The following DOCK3 variants were observed in gnomAD, a reference collection of about 807,000 sequenced individuals.
DOCK3 encodes the protein dedicator of cytokinesis 3.
DOCK3 carries 60 observed loss-of-function variants against 265.6 expected under a neutral mutation model. The ratio of observed to expected loss-of-function variants is 0.23; its 90% confidence interval spans 0.18 to 0.28. The LOEUF (loss-of-function observed/expected upper bound fraction) is 0.28. Ranked by LOEUF, DOCK3 falls within the 10% of genes least tolerant of loss-of-function variation. DOCK3 has a pLI of 1.00. For synonymous variants in DOCK3, 881 were observed against 938.0 expected (o/e 0.94, Z 1.11); for missense variants, 1,981 against 2,594.3 (o/e 0.76, Z 5.14).
chr3:50,912,703 C>G (rs1030903318), intron 4 of DOCK3, among the ~76,000 whole-genome samples: 1 of 150,386 alleles, frequency 6.6e-6, no homozygotes, highest in Non-Finnish European at 1.5e-5. Context: ...GGCAGAGAAA[C>G]CTCACCCTGT....
chr3:51,129,717 G>A (rs2084428267), intron 9 of DOCK3, among the ~76,000 whole-genome samples: 1 of 152,118 alleles, frequency 6.6e-6, no homozygotes, highest in Admixed American at 6.5e-5. Context: ...TGGCAGTGCC[G>A]TGCTCCAGAA....
At chr3:50,788,844 G>A (rs1221779658) in intron 2 of DOCK3, among the ~76,000 whole-genome samples, 1 of 152,250 alleles carries the variant, frequency 6.6e-6, no homozygotes, top group Non-Finnish European at 1.5e-5. Flanking sequence ...GGAGGGAGGC[G>A]AGTGGCTGCG....
intron 5 of DOCK3, among the ~76,000 whole-genome samples, chr3:51,005,168 A>G (rs2078633767): frequency 6.6e-6 from 1 of 152,108 alleles, no homozygotes; most frequent in South Asian, 2.1e-4. Context: ...GGAATTCAGT[A>G]GTCTATTCTC....
intron 1 of DOCK3, among the ~76,000 whole-genome samples, chr3:50,778,259 A>G (rs974766691): frequency 3.3e-5 from 5 of 152,242 alleles, no homozygotes; most frequent in East Asian, 1.9e-4. Context: ...TCAAAGCATA[A>G]TCAAATTTAT....
At chr3:51,082,185 C>T (rs1331628238) in intron 7 of DOCK3, among the ~76,000 whole-genome samples, 1 of 151,972 alleles carries the variant, frequency 6.6e-6, no homozygotes, top group Non-Finnish European at 1.5e-5. Flanking sequence ...TGGGCCGGGC[C>T]TCACACTACC....
intron 21 of DOCK3, 105 bp downstream of exon 21, chr3:51,237,695 T>G: frequency 1.0e-6 from 1 of 968,376 alleles, no homozygotes; most frequent in African/African-American, 1.7e-5. Context: ...GCTGACTTTT[T>G]AAAAATTTTA....
intron 10 of DOCK3, among the ~76,000 whole-genome samples, chr3:51,158,970 G>A (rs2085997002): frequency 6.6e-6 from 1 of 152,210 alleles, no homozygotes; most frequent in African/African-American, 2.4e-5. Flanking sequence ...ATATCATGAA[G>A]ATTTCTAATG....
At chr3:51,357,628 C>A (rs888260096) in intron 44 of DOCK3, 130 bp from the exon 45 acceptor site, 2 of 799,028 alleles carry the variant, frequency 2.5e-6, no homozygotes, top group African/African-American at 3.5e-5. Flanking sequence ...ACAGGCCAGA[C>A]TGGTGTATGT....
chr3:51,271,098 G>C, intron 24 of DOCK3, 91 bp downstream of exon 24: 4 of 1,395,094 alleles, frequency 2.9e-6, no homozygotes, highest in Non-Finnish European at 9.8e-7. Flanking sequence ...CAAAGGATCA[G>C]TTTCCTCAAC....
chr3:50,815,016 G>A (rs2043994358), intron 2 of DOCK3, among the ~76,000 whole-genome samples: 1 of 151,832 alleles, frequency 6.6e-6, no homozygotes, highest in Non-Finnish European at 1.5e-5. Flanking sequence ...GTGGAGATGG[G>A]GTTTCACCAT....
intron 2 of DOCK3, among the ~76,000 whole-genome samples, chr3:50,798,442 A>G (rs1475119082): frequency 6.6e-6 from 1 of 152,228 alleles, no homozygotes; most frequent in Non-Finnish European, 1.5e-5. Context: ...AAATGAGATC[A>G]TCCCACCTGC....
chr3:51,348,707 A>G, intron 38 of DOCK3, 145 bp from the exon 39 acceptor site: 1 of 740,022 alleles, frequency 1.4e-6, no homozygotes, highest in Non-Finnish European at 2.3e-6. Flanking sequence ...TGCCCCCCAA[A>G]TTGGTCTTGA....
At chr3:50,833,300 A>G (rs1475485099) in intron 2 of DOCK3, among the ~76,000 whole-genome samples, 3 of 152,184 alleles carry the variant, frequency 2.0e-5, no homozygotes, top group African/African-American at 7.2e-5. Flanking sequence ...TTCTTGAAAC[A>G]TATTTTTTTC....
intron 6 of DOCK3, among the ~76,000 whole-genome samples, chr3:51,075,043 A>G (rs546926160): frequency 6.6e-6 from 1 of 152,308 alleles, no homozygotes; most frequent in Non-Finnish European, 1.5e-5. Flanking sequence ...AAAAATAAAC[A>G]TGACTTTTTA....
chr3:50,719,486 A>G, intron 1 of DOCK3: 1 of 815,668 alleles, frequency 1.2e-6, no homozygotes, highest in Non-Finnish European at 2.0e-6. Context: ...AATTTATTAG[A>G]ATTGTCCACA....
intron 46 of DOCK3, among the ~76,000 whole-genome samples, chr3:51,358,425 C>G (rs1308577585): frequency 6.6e-6 from 1 of 152,170 alleles, no homozygotes; most frequent in Non-Finnish European, 1.5e-5. Context: ...TGTTTTTCAT[C>G]CCAAGAACCT....
intron 5 of DOCK3, among the ~76,000 whole-genome samples, chr3:50,936,710 A>G (rs1045002898): frequency 2.0e-5 from 3 of 152,196 alleles, no homozygotes; most frequent in African/African-American, 7.2e-5. Context: ...TGCAGCAAAA[A>G]TATGCTTCAA....
intron 25 of DOCK3, 77 bp from the exon 26 acceptor site, chr3:51,277,531 C>G: frequency 1.4e-6 from 2 of 1,470,516 alleles, no homozygotes; most frequent in Non-Finnish European, 9.0e-7. Flanking sequence ...GCTGATGTGG[C>G]TGACCTAGTA....
chr3:51,297,156 A>G (rs2082132987), intron 27 of DOCK3, among the ~76,000 whole-genome samples: 1 of 150,928 alleles, frequency 6.6e-6, no homozygotes, highest in Non-Finnish European at 1.5e-5. Flanking sequence ...ATGTAAAAGA[A>G]TGATATCGCA....
Sources: gnomAD v4.1 joint callset for allele counts (sites outside exome capture counted in the v4.1 genomes callset) on GRCh38, gnomAD v4.1.1 for gene constraint, MANE v1.5 for transcripts, NCBI Gene and HGNC (gene_info 2026-07-23, HGNC 2026-07-21) for gene names.